The following ZNF462 variants were observed in gnomAD, a reference collection of about 807,000 sequenced individuals.
ZNF462 encodes zinc finger protein 462.
ZNF462 carries 10 observed loss-of-function variants against 201.9 expected under a neutral mutation model. The ratio of observed to expected loss-of-function variants is 0.05; its 90% CI spans 0.03 to 0.08. The LOEUF (loss-of-function observed/expected upper bound fraction) is 0.08, where lower values mean the gene tolerates loss of function less well. Ranked by LOEUF, ZNF462 falls within the 10% of genes least tolerant of loss-of-function variation. The pLI is 1.00. For missense variants in ZNF462, 2,523 were observed against 3,168.3 expected (o/e 0.80, Z 4.89); for synonymous variants, 1,227 against 1,193.3 (o/e 1.03, Z -0.58).
chr9:106,867,913 A>G (rs1375929853), intron 1 of ZNF462, among the ~76,000 whole-genome samples: 1 of 152,222 alleles, frequency 6.6e-6, no homozygotes, highest in Non-Finnish European at 1.5e-5. Context: ...TAATTGGAGA[A>G]CAGAGATGCT....
rs1163695505 is a variant in ZNF462 at position 106,908,941 on chromosome 9, A to ATTTTT, written c.-30-14378_-30-14374dup. On this transcript the variant is annotated intron_variant, in intron 1 of 12. Transcript: ENST00000277225. ...TATATATATATATATATATATATAT[A>ATTTTT]TTTTTTTTTTTTTTTTTTTTTTTTT... Among the ~76,000 whole-genome samples the ATTTTT allele has an allele frequency of 1.2e-4, 3 of 25,350 alleles. 1 individual carries two copies. The highest frequency in any genetic ancestry group is 2.0e-4 in the Non-Finnish European group (3 of 15,292). 16.6% of individuals were successfully genotyped at this position (25,350 alleles called of 152,430 possible).
At chr9:106,945,218 T>G (rs549772730) in intron 7 of ZNF462, among the ~76,000 whole-genome samples, 44 of 152,314 alleles carry the variant, frequency 2.9e-4, no homozygotes, top group African/African-American at 1.0e-3. Context: ...AGGTATCAGA[T>G]GAAGTTTTAA....
intron 1 of ZNF462, among the ~76,000 whole-genome samples, chr9:106,900,669 G>A (rs1278830547): frequency 6.6e-6 from 1 of 151,850 alleles, no homozygotes; most frequent in African/African-American, 2.4e-5. Context: ...CATGTTTGTT[G>A]GCCATTTGTA....
rs202198471 is a variant in ZNF462 at position 106,924,958 on chromosome 9, A to G, written c.1046A>G (p.Lys349Arg). The G allele has an allele frequency of 1.2e-6, 2 of 1,614,098 alleles. No individual in the cohort carries two copies. Among genetic ancestry groups the G allele is most frequent in the Non-Finnish European group, 1.7e-6 (2 of 1,180,040 alleles). The change falls in exon 3 of 13, where the codon AAG becomes AGG. Residue 349 changes from lysine (K) to arginine (R), a missense_variant. Physicochemically the swap from Lys to Arg is conservative, Grantham distance 26. This residue lies in a region of ZNF462 where 480 missense variants were observed against 544.4 expected (regional missense o/e 0.88). Transcript: ENST00000277225. The surrounding 1 kb of genome is among the most constrained non-coding windows in gnomAD (Gnocchi z 6.2). ...ATGTCTTACCCTCAGATGAAGCCGA[A>G]GTCACCTCACAATTCTGGTCTAGTT... ...SPMSYPQMKP[K>R]SPHNSGLVNL...
At chr9:106,881,700 C>T (rs1017391532) in intron 1 of ZNF462, among the ~76,000 whole-genome samples, 1 of 152,150 alleles carries the variant, frequency 6.6e-6, no homozygotes, top group African/African-American at 2.4e-5. Context: ...GAAGCTTGTA[C>T]TGGTAAAATT....
intron 7 of ZNF462, among the ~76,000 whole-genome samples, chr9:106,964,475 TTTGA>T (rs1831983287): frequency 6.6e-6 from 1 of 152,092 alleles, no homozygotes; most frequent in East Asian, 1.9e-4. Context: ...ATCTCGTTCC[TTTGA>T]TTGAAGTTCC....
At chr9:106,987,338 A>T (rs1007069955) in intron 10 of ZNF462, among the ~76,000 whole-genome samples, 17 of 151,708 alleles carry the variant, frequency 1.1e-4, no homozygotes, top group African/African-American at 4.1e-4. Context: ...GATTTTTTAA[A>T]TTTTTTTTAT....
intron 7 of ZNF462, among the ~76,000 whole-genome samples, chr9:106,942,755 T>C (rs1466954709): frequency 1.3e-5 from 2 of 152,168 alleles, no homozygotes; most frequent in African/African-American, 2.4e-5. Flanking sequence ...CAGCGTAGTT[T>C]AGCTATGAGA....
intron 7 of ZNF462, among the ~76,000 whole-genome samples, chr9:106,945,174 C>T (rs568138525): frequency 2.0e-5 from 3 of 152,000 alleles, no homozygotes; most frequent in Non-Finnish European, 4.4e-5. Context: ...GTAACTTGAC[C>T]TAAATATATT....
At chr9:106,922,883 C>T (rs1053464230) in intron 1 of ZNF462, among the ~76,000 whole-genome samples, 2 of 152,178 alleles carry the variant, frequency 1.3e-5, no homozygotes, top group South Asian at 2.1e-4. Context: ...GGTGATAAAA[C>T]ACCAAGGTCA....
chr9:106,908,614 AAG>A (rs1230345201), intron 1 of ZNF462, among the ~76,000 whole-genome samples: 1 of 151,982 alleles, frequency 6.6e-6, no homozygotes, highest in Non-Finnish European at 1.5e-5. Context: ...TTTCCAGAGG[AAG>A]AATTATCCAA....
chr9:106,947,467 A>G (rs181521927), intron 7 of ZNF462, among the ~76,000 whole-genome samples: 1 of 152,272 alleles, frequency 6.6e-6, no homozygotes, highest in Admixed American at 6.5e-5. Context: ...GATTTTTAGC[A>G]CTGCTAGTTA....
chr9:106,932,532 T>G lies in ZNF462; in HGVS notation c.6099T>G (p.Val2033=), dbSNP rs1293430809. 2.5e-6 allele frequency: 4 copies of G among 1,614,258 alleles called. No individual in the cohort carries two copies. In the East Asian group the frequency reaches 6.7e-5, roughly 27 times the overall value. ...ACAGCTGCCAGTATTGCTCGTTTGTTTCTGCTTTCAGGCACAAGTAAGTGC... is the reference window on the plus strand; with the variant it reads ...ACAGCTGCCAGTATTGCTCGTTTGTGTCTGCTTTCAGGCACAAGTAAGTGC... ...DKYSCQYCSF[V]SAFRHNLDRH... Residue 2033 remains valine (V), a synonymous_variant, in exon 5 of 13, where the codon GTT becomes GTG. Coordinates refer to ENST00000277225, the MANE Select transcript of ZNF462 (RefSeq NM_021224.6). This position sits in a 1 kb window ranked among gnomAD's most constrained non-coding sequence, Gnocchi z 6.8.
Position 106,927,196 on chromosome 9 carries a change from A to G in ZNF462, c.3284A>G (p.Asn1095Ser). 6.2e-7 allele frequency: 1 copy of G among 1,613,110 alleles called. No individual in the cohort carries two copies. The highest frequency in any genetic ancestry group is 1.1e-5 in the South Asian group (1 of 91,002). ...GCTCCAATGTCTCCCAAAATGTCCA[A>G]CATGGGTTCCCCACCCCCCCCACAA... ...VGAPMSPKMS[N>S]MGSPPPPQPP... is the part of the protein sequence containing the mutation. The change falls in exon 3 of 13, where the codon AAC becomes AGC. Residue 1095 changes from asparagine to serine, a missense_variant. Asn to Ser is a conservative substitution (Grantham distance 46). This residue lies in a region of ZNF462 where 280 missense variants were observed against 321.3 expected (regional missense o/e 0.87). Transcript: ENST00000277225.
rs1160216601 is a variant in ZNF462 at position 106,963,609 on chromosome 9, T to G, written c.6428-8396T>G. Among the ~76,000 whole-genome samples the G allele has an allele frequency of 6.6e-6, 1 of 151,982 alleles. No individual in the cohort carries two copies. The highest frequency in any genetic ancestry group is 1.5e-5 in the Non-Finnish European group (1 of 67,984). ...AAGTACCATCATTAAGTATTTATGG[T>G]GATAATTAAAGTTTATGAAGTTTGT... On this transcript the variant is annotated intron_variant, in intron 7 of 12. Coordinates refer to ENST00000277225, the MANE Select transcript of ZNF462 (RefSeq NM_021224.6). The surrounding 1 kb of genome is among the most constrained non-coding windows in gnomAD (Gnocchi z 4.7).
intron 1 of ZNF462, among the ~76,000 whole-genome samples, chr9:106,875,732 T>C (rs1827802512): frequency 6.6e-6 from 1 of 152,242 alleles, no homozygotes; most frequent in Non-Finnish European, 1.5e-5. Context: ...AGTGTGGGTA[T>C]GTCAGTGTGA....
chr9:106,974,351 G>C lies in ZNF462; in HGVS notation c.6832+78G>C, dbSNP rs201766149. 870 of 1,598,428 alleles carry C rather than the reference G, an allele frequency of 5.4e-4. No homozygotes were observed. Among genetic ancestry groups the C allele is most frequent in the Middle Eastern group, 2.8e-3 (17 of 6,026 alleles). The stretch of plus-strand genomic sequence containing the variant: ...ATGGCCTTCTAGGGATGCTCTCTCA[G>C]AGTGGCAGTAGCACCTGTGCCTTGT... On this transcript the variant is annotated intron_variant, in intron 9 of 12. Coordinates refer to ENST00000277225, the MANE Select transcript of ZNF462 (RefSeq NM_021224.6). This position sits in a 1 kb window ranked among gnomAD's most constrained non-coding sequence, Gnocchi z 4.0.
Position 106,928,330 on chromosome 9 carries a change from C to T in ZNF462, c.4418C>T (p.Thr1473Met), listed in dbSNP as rs776306334. The change falls in exon 3 of 13, where the codon ACG becomes ATG. Residue 1473 changes from threonine to methionine, a missense_variant. Transcript: ENST00000277225. The surrounding 1 kb of genome is among the most constrained non-coding windows in gnomAD (Gnocchi z 9.3). Reference protein sequence around the residue: ...PAISSTPYQCTVCQSEYNNLH... With the variant: ...PAISSTPYQCMVCQSEYNNLH... ...ATATCCTCCACCCCATACCAGTGCA[C>T]GGTATGCCAATCTGAGTATAACAAC... 22 of 1,614,038 alleles carry T rather than the reference C, an allele frequency of 1.4e-5. No homozygotes were observed. The highest frequency in any genetic ancestry group is 1.5e-5 in the Non-Finnish European group (18 of 1,180,028).
intron 1 of ZNF462, among the ~76,000 whole-genome samples, chr9:106,898,139 A>G (rs1006664245): frequency 6.6e-6 from 1 of 152,220 alleles, no homozygotes; most frequent in African/African-American, 2.4e-5. Flanking sequence ...TAAGTCTTAT[A>G]ATAACATTTG....
Sources: allele counts gnomAD v4.1 joint callset (sites outside exome capture counted in the v4.1 genomes callset), GRCh38; gene constraint gnomAD v4.1.1; regional missense constraint gnomAD v4.1.1; non-coding constraint Gnocchi (gnomAD v3.1); transcripts MANE v1.5; gene names NCBI Gene and HGNC (gene_info 2026-07-23, HGNC 2026-07-21).